TUSC3: variants seen among roughly 807,000 people sequenced by gnomAD.
TUSC3 encodes the protein tumor suppressor candidate 3.
Under a neutral mutation model 44.8 loss-of-function variants are expected in TUSC3, and 45 were observed. That is an observed-to-expected ratio of 1.00 (90% CI 0.79 to 1.29). TUSC3 has a LOEUF of 1.29. TUSC3 is among the 50% of genes most tolerant of loss of function. TUSC3 has a pLI of 0.00. For missense variants in TUSC3, 519 were observed against 437.9 expected (o/e 1.19, Z -1.65); for synonymous variants, 212 against 152.9 (o/e 1.39, Z -2.85).
intron 1 of TUSC3, among the ~76,000 whole-genome samples, chr8:15,565,983 A>C (rs1802653588): frequency 6.6e-6 from 1 of 152,170 alleles, no homozygotes; most frequent in Non-Finnish European, 1.5e-5. Flanking sequence ...CTTATTAAAA[A>C]CTAAATACCA....
At chr8:15,610,393 T>C (rs2129158556) in intron 1 of TUSC3, among the ~76,000 whole-genome samples, 1 of 152,292 alleles carries the variant, frequency 6.6e-6, no homozygotes, top group East Asian at 1.9e-4. Context: ...GGAGAAACAT[T>C]TCTGGTATTT....
intron 1 of TUSC3, among the ~76,000 whole-genome samples, chr8:15,574,088 G>T (rs1041971897): frequency 2.0e-5 from 3 of 152,102 alleles, no homozygotes; most frequent in African/African-American, 7.2e-5. Context: ...GACCTAACAA[G>T]AGAAGTTCAG....
At chr8:15,682,893 A>AT (rs1808483993) in intron 6 of TUSC3, among the ~76,000 whole-genome samples, 1 of 147,622 alleles carries the variant, frequency 6.8e-6, no homozygotes, top group South Asian at 2.1e-4. Context: ...GAAAGGCGTT[A>AT]TTTTTTCACT....
chr8:15,585,211 A>G (rs552424061), intron 1 of TUSC3, among the ~76,000 whole-genome samples: 18 of 152,288 alleles, frequency 1.2e-4, no homozygotes, highest in Middle Eastern at 3.4e-3. Flanking sequence ...TGTGGGAGCT[A>G]TATAGGGGGA....
chr8:15,690,265 T>C (rs1375312462), intron 6 of TUSC3, among the ~76,000 whole-genome samples: 1 of 152,200 alleles, frequency 6.6e-6, no homozygotes, highest in Non-Finnish European at 1.5e-5. Flanking sequence ...TGATTAACGC[T>C]GTTGAGCATT....
At chr8:15,741,214 C>G (rs1428718833) in intron 7 of TUSC3, among the ~76,000 whole-genome samples, 1 of 152,094 alleles carries the variant, frequency 6.6e-6, no homozygotes, top group African/African-American at 2.4e-5. Flanking sequence ...TAATATATTG[C>G]TTTACTCCCA....
chr8:15,637,425 C>G (rs1362726210), intron 2 of TUSC3, among the ~76,000 whole-genome samples: 1 of 151,916 alleles, frequency 6.6e-6, no homozygotes, highest in Non-Finnish European at 1.5e-5. Flanking sequence ...GATATATCGT[C>G]TTTTGTTTTT....
At chr8:15,524,527 A>G (rs2129129997) in intron 2 of TUSC3, among the ~76,000 whole-genome samples, 1 of 152,344 alleles carries the variant, frequency 6.6e-6, no homozygotes, top group South Asian at 2.1e-4. Context: ...ATAATAGACC[A>G]TGTGGAAATG....
chr8:15,769,181 A>G (rs1243280618), downstream of TUSC3, among the ~76,000 whole-genome samples: 1 of 152,196 alleles, frequency 6.6e-6, no homozygotes, highest in Non-Finnish European at 1.5e-5. Context: ...AAACTATACT[A>G]CAAAGCTACA....
At chr8:15,777,088 T>A in the TUSC3 span, among the ~76,000 whole-genome samples, 1 of 152,188 alleles carries the variant, frequency 6.6e-6, no homozygotes, top group Non-Finnish European at 1.5e-5. Flanking sequence ...CCAGCTAGAA[T>A]CTTCTTTGAA....
the TUSC3 span, among the ~76,000 whole-genome samples, chr8:15,783,256 G>C: frequency 6.6e-6 from 1 of 152,164 alleles, no homozygotes; most frequent in Non-Finnish European, 1.5e-5. Context: ...GAAGAATGTG[G>C]TTAAAATGTT....
intron 6 of TUSC3, among the ~76,000 whole-genome samples, chr8:15,682,647 A>G (rs532885527): frequency 1.8e-4 from 28 of 152,236 alleles, no homozygotes; most frequent in African/African-American, 6.7e-4. Context: ...TTTACATTCA[A>G]CGTTAATATT....
chr8:15,767,646 G>C (rs1243335182), downstream of TUSC3, among the ~76,000 whole-genome samples: 1 of 152,100 alleles, frequency 6.6e-6, no homozygotes, highest in Non-Finnish European at 1.5e-5. Context: ...TCCTTATGTG[G>C]GTTCCTGGCT....
At chr8:15,499,152 C>G (rs545078973) in intron 2 of TUSC3, among the ~76,000 whole-genome samples, 2 of 152,048 alleles carry the variant, frequency 1.3e-5, no homozygotes, top group Non-Finnish European at 2.9e-5. Context: ...TTCACTGTGC[C>G]TCTTGTTAAT....
At chr8:15,610,837 G>C (rs990936539) in intron 1 of TUSC3, among the ~76,000 whole-genome samples, 1 of 152,060 alleles carries the variant, frequency 6.6e-6, no homozygotes, top group Non-Finnish European at 1.5e-5. Context: ...GATGCTCTCC[G>C]GGGTACAAAG....
chr8:15,690,774 T>G (rs920832177), intron 6 of TUSC3, among the ~76,000 whole-genome samples: 7 of 152,068 alleles, frequency 4.6e-5, no homozygotes, highest in African/African-American at 1.7e-4. Context: ...CCCCATTGTT[T>G]GTTTTTGTCA....
chr8:15,484,547 C>A (rs1222290132), intron 2 of TUSC3, among the ~76,000 whole-genome samples: 1 of 152,206 alleles, frequency 6.6e-6, no homozygotes, highest in African/African-American at 2.4e-5. Context: ...AATTATCCAA[C>A]ATGTCTATCT....
chr8:15,799,156 A>G, the TUSC3 span, among the ~76,000 whole-genome samples: 1 of 152,190 alleles, frequency 6.6e-6, no homozygotes, highest in African/African-American at 2.4e-5. Context: ...AAGTCCGTGT[A>G]GGGTTGTCTT....
At chr8:15,552,155 C>T (rs972601671) in intron 1 of TUSC3, among the ~76,000 whole-genome samples, 5 of 151,608 alleles carry the variant, frequency 3.3e-5, no homozygotes, top group African/African-American at 1.2e-4. Context: ...GATGATTTTA[C>T]GTAGAAATAC....
Sources: gnomAD v4.1 joint callset for allele counts (sites outside exome capture counted in the v4.1 genomes callset) on GRCh38, gnomAD v4.1.1 for gene constraint, MANE v1.5 for transcripts, NCBI Gene and HGNC (gene_info 2026-07-23, HGNC 2026-07-21) for gene names.